The following IL19 variants were observed in gnomAD, a reference collection of about 807,000 sequenced individuals.
IL19 encodes the protein interleukin 19, also known as interleukin-19.
In IL19, 15 loss-of-function variants were observed where a neutral mutation model predicts 19.5. That is an observed-to-expected ratio of 0.77 (90% CI 0.52 to 1.19). IL19 has a LOEUF of 1.19. Among genes scored for constraint, IL19 ranks in the 50% most tolerant of loss-of-function variants. IL19 has a pLI of 0.00. For synonymous variants in IL19, 78 were observed against 78.3 expected (o/e 1.00, Z 0.02); for missense variants, 199 against 213.1 (o/e 0.93, Z 0.41).
chr1:206,832,340 G>T (rs1202822290), intron 2 of IL19, among the ~76,000 whole-genome samples: 1 of 152,216 alleles, frequency 6.6e-6, no homozygotes, highest in East Asian at 1.9e-4. Context: ...TGGAGCTTCA[G>T]AAAGGCTTTA....
At chr1:206,823,679 C>T (rs1284996211) in intron 2 of IL19, among the ~76,000 whole-genome samples, 2 of 151,662 alleles carry the variant, frequency 1.3e-5, no homozygotes, top group Non-Finnish European at 2.9e-5. Context: ...ATAATTTTTC[C>T]ATACCAAAGC....
At chr1:206,786,904 G>A (rs530799552) in intron 1 of IL19, among the ~76,000 whole-genome samples, 53 of 152,178 alleles carry the variant, frequency 3.5e-4, no homozygotes, top group Admixed American at 8.5e-4. Context: ...AGAACAGAAC[G>A]CATTCTTAAA....
intron 1 of IL19, among the ~76,000 whole-genome samples, chr1:206,777,521 A>G (rs1231040307): frequency 1.3e-5 from 2 of 152,162 alleles, no homozygotes; most frequent in Non-Finnish European, 2.9e-5. Flanking sequence ...CTCAAACCCA[A>G]GAGTGGGGAG....
chr1:206,815,809 C>A (rs1178443447), intron 2 of IL19, among the ~76,000 whole-genome samples: 2 of 152,100 alleles, frequency 1.3e-5, no homozygotes, highest in African/African-American at 2.4e-5. Flanking sequence ...GATGGCAAAG[C>A]AGTATCTTTA....
At chr1:206,796,810 A>G (rs1286127674) in intron 1 of IL19, among the ~76,000 whole-genome samples, 2 of 152,200 alleles carry the variant, frequency 1.3e-5, no homozygotes, top group African/African-American at 4.8e-5. Flanking sequence ...TAAGTGACAC[A>G]TGACTGTATT....
At chr1:206,817,126 G>A (rs923512177) in intron 2 of IL19, among the ~76,000 whole-genome samples, 1 of 152,188 alleles carries the variant, frequency 6.6e-6, no homozygotes, top group Non-Finnish European at 1.5e-5. Context: ...GCCTACTGGA[G>A]TTTGCACAGA....
intron 1 of IL19, among the ~76,000 whole-genome samples, chr1:206,795,927 ATGTGTGTGTGTG>A (rs71570039): frequency 3.0e-5 from 4 of 133,532 alleles, no homozygotes; most frequent in African/African-American, 8.6e-5. Context: ...AAATATATAT[ATGTGTGTGTGTG>A]TGTGTGTGTG....
chr1:206,786,612 A>C (rs1675275135), intron 1 of IL19, among the ~76,000 whole-genome samples: 1 of 152,154 alleles, frequency 6.6e-6, no homozygotes, highest in Non-Finnish European at 1.5e-5. Flanking sequence ...ACTGAGTTGC[A>C]GCAGCCCACG....
intron 2 of IL19, among the ~76,000 whole-genome samples, chr1:206,815,330 A>G (rs892840636): frequency 6.6e-6 from 1 of 152,188 alleles, no homozygotes; most frequent in Admixed American, 6.5e-5. Flanking sequence ...AGGGCAGGAG[A>G]TATAGATGTC....
At chr1:206,773,902 T>C (rs1185532184) in intron 1 of IL19, among the ~76,000 whole-genome samples, 1 of 152,166 alleles carries the variant, frequency 6.6e-6, no homozygotes, top group East Asian at 1.9e-4. Context: ...CCTCCCTGTG[T>C]CTGTTTTTCA....
chr1:206,786,705 C>T lies in IL19; in HGVS notation c.-148-12156C>T, dbSNP rs546277588. Among the ~76,000 whole-genome samples the T allele has an allele frequency of 1.4e-4, 21 of 152,102 alleles. No homozygotes were observed. In the East Asian group the frequency reaches 3.7e-3, roughly 27 times the overall value. ...TGCTATTGCCACTGTAACCAAGGTG[C>T]GGGCCTGTGGAAATGGTGCAAGGGA... On this transcript the variant is annotated intron_variant, in intron 1 of 6. Coordinates refer to ENST00000659997, the MANE Select transcript of IL19 (RefSeq NM_153758.5).
chr1:206,814,690 T>TCACACACA (rs34474731), intron 2 of IL19, among the ~76,000 whole-genome samples: 1,808 of 140,538 alleles, frequency 0.013, 15 homozygotes, highest in South Asian at 0.019. Context: ...TGAAACTCTG[T>TCACACACA]CACACACACA....
At chr1:206,804,074 C>T (rs1370827326) in intron 2 of IL19, among the ~76,000 whole-genome samples, 1 of 152,202 alleles carries the variant, frequency 6.6e-6, no homozygotes, top group Non-Finnish European at 1.5e-5. Flanking sequence ...GCAGGAGGCT[C>T]AGAAGAGCTT....
chr1:206,836,970 A>C lies in IL19; in HGVS notation c.157A>C (p.Thr53Pro). ...EIKRAIQAKD[T>P]FPNVTILSTL... is the part of the protein sequence containing the mutation. ...TTTCCCTCCACAGCAAGCTAAGGAC[A>C]CCTTCCCAAATGTCACTATCCTGTC... The change falls in exon 4 of 7, where the codon ACC (threonine) becomes CCC (proline). Residue 53 changes from threonine to proline, a missense_variant. By Grantham distance (38) the Thr-to-Pro change is conservative (BLOSUM62 -1). Transcript: ENST00000659997. 6.2e-7 allele frequency: 1 copy of C among 1,613,778 alleles called. No individual in the cohort carries two copies.
intron 2 of IL19, among the ~76,000 whole-genome samples, chr1:206,811,335 T>C (rs1413325201): frequency 6.6e-6 from 1 of 151,388 alleles, no homozygotes; most frequent in Non-Finnish European, 1.5e-5. Context: ...TCCCAGCTAC[T>C]CAGGAGGCTG....
chr1:206,806,109 A>G lies in IL19; in HGVS notation c.-3+7103A>G, dbSNP rs984861871. Among the ~76,000 whole-genome samples, 3 of 152,152 alleles carry G rather than the reference A, an allele frequency of 2.0e-5. No individual in the cohort carries two copies. In the East Asian group the frequency reaches 5.8e-4, roughly 29 times the overall value. On this transcript the variant is annotated intron_variant, in intron 2 of 6. Transcript: ENST00000659997. ...CTTGGGTTAATCCTCGTTGATTTTG[A>G]TTGGCTTGGCTTGGGTCATGTACTC...
chr1:206,815,663 C>T (rs1676136960), intron 2 of IL19, among the ~76,000 whole-genome samples: 1 of 152,114 alleles, frequency 6.6e-6, no homozygotes, highest in Non-Finnish European at 1.5e-5. Flanking sequence ...GAAACGTAGT[C>T]TTGGTAAGAA....
intron 1 of IL19, among the ~76,000 whole-genome samples, chr1:206,781,414 CAAAAAAA>C (rs57060549): frequency 1.1e-3 from 49 of 43,022 alleles, no homozygotes; most frequent in East Asian, 1.7e-3. Context: ...GACTCTGTCT[CAAAAAAA>C]AAAAAAAAAA....
chr1:206,817,300 A>C (rs545391355), intron 2 of IL19, among the ~76,000 whole-genome samples: 1 of 152,186 alleles, frequency 6.6e-6, no homozygotes, highest in Non-Finnish European at 1.5e-5. Context: ...TGATCTCAGA[A>C]TCTACCCCCT....
Sources: gnomAD v4.1 joint callset for allele counts (sites outside exome capture counted in the v4.1 genomes callset) on GRCh38, gnomAD v4.1.1 for gene constraint, MANE v1.5 for transcripts, NCBI Gene and HGNC (gene_info 2026-07-23, HGNC 2026-07-21) for gene names.